Variants in SLC22A2 observed in about 807,000 individuals in gnomAD.
SLC22A2 encodes organic cation transporter 2.
SLC22A2 carries 46 observed loss-of-function variants against 60.5 expected under a neutral mutation model. That is an observed-to-expected ratio of 0.76 (90% CI 0.60 to 0.97). The LOEUF (loss-of-function observed/expected upper bound fraction) is 0.97, where lower values mean the gene tolerates loss of function less well. Among genes scored for constraint, SLC22A2 ranks in the 50% least tolerant of loss-of-function variants. The probability of loss-of-function intolerance (pLI) is 0.00; values close to 1 mark genes in which losing one functional copy is unlikely to be tolerated. For missense variants in SLC22A2, 701 were observed against 706.6 expected, an observed-to-expected ratio of 0.99 and a Z score of 0.09; for synonymous variants, 303 against 267.0, an observed-to-expected ratio of 1.13 and a Z score of -1.31.
intron 9 of SLC22A2, among the ~76,000 whole-genome samples, chr6:160,233,376 C>G (rs1473342870): frequency 6.6e-6 from 1 of 151,822 alleles, no homozygotes; most frequent in Non-Finnish European, 1.5e-5. Flanking sequence ...TTCTCAGGCT[C>G]TTGGTATTCA....
intron 10 of SLC22A2, among the ~76,000 whole-genome samples, chr6:160,222,060 G>A (rs1463894449): frequency 1.3e-5 from 2 of 152,174 alleles, no homozygotes; most frequent in East Asian, 3.8e-4. Context: ...AAGGTGCATG[G>A]GAAGGGCATG....
At chr6:160,234,627 C>T (rs958053924) in intron 9 of SLC22A2, among the ~76,000 whole-genome samples, 5 of 152,340 alleles carry the variant, frequency 3.3e-5, no homozygotes, top group African/African-American at 1.2e-4. Flanking sequence ...GGAGCTTGAA[C>T]TTGTAACCAC....
At chr6:160,240,640 T>A (rs908943389) in intron 9 of SLC22A2, among the ~76,000 whole-genome samples, 3 of 152,190 alleles carry the variant, frequency 2.0e-5, no homozygotes, top group Non-Finnish European at 4.4e-5. Context: ...CCCTTTTGCA[T>A]AAGGATTCTG....
chr6:160,240,453 G>A (rs1275832280), intron 9 of SLC22A2, among the ~76,000 whole-genome samples: 1 of 152,154 alleles, frequency 6.6e-6, no homozygotes, highest in African/African-American at 2.4e-5. Flanking sequence ...AGTTTTAGAA[G>A]CTAAGCTTAG....
Position 160,243,560 on chromosome 6 carries a change from C to G in SLC22A2, c.1279+12G>C. On this transcript the variant is annotated intron_variant, in intron 7 of 10. Coordinates refer to ENST00000366953, the MANE Select transcript of SLC22A2 (RefSeq NM_003058.4). ...TCTTGGAGATAAGACTCCAACTTCA[C>G]CTGAAACTTACCACCAGGTATAAAA... 1.2e-6 allele frequency: 2 copies of G among 1,601,484 alleles called. No homozygotes were observed. The highest frequency in any genetic ancestry group is 2.2e-5 in the East Asian group (1 of 44,810).
intron 2 of SLC22A2, among the ~76,000 whole-genome samples, chr6:160,252,937 C>T (rs1179568927): frequency 6.6e-6 from 1 of 152,200 alleles, no homozygotes; most frequent in South Asian, 2.1e-4. Context: ...GACTAGCACA[C>T]AGTAATCAGT....
chr6:160,222,551 T>A (rs1248039156), intron 10 of SLC22A2, among the ~76,000 whole-genome samples: 1 of 152,222 alleles, frequency 6.6e-6, no homozygotes, highest in Non-Finnish European at 1.5e-5. Flanking sequence ...CGCACTGTGC[T>A]GAGTTCCAGT....
intron 9 of SLC22A2, among the ~76,000 whole-genome samples, chr6:160,232,087 T>G (rs1353278588): frequency 2.0e-5 from 3 of 151,928 alleles, no homozygotes. Context: ...ATCTATTTTC[T>G]TCCTCTCACC....
rs549083494 is a variant in SLC22A2 at position 160,233,761 on chromosome 6, C to A, written c.1501+7713G>T. Among the ~76,000 whole-genome samples the A allele has an allele frequency of 6.8e-4, 104 of 151,948 alleles. 1 individual carries two copies. The highest frequency in any genetic ancestry group is 2.4e-3 in the African/African-American group (101 of 41,250). On this transcript the variant is annotated intron_variant, in intron 9 of 10. Coordinates refer to ENST00000366953, the MANE Select transcript of SLC22A2 (RefSeq NM_003058.4). ...CCGCAAAATCTTCCTTCAGCTTAAT[C>A]TCTCCCACTCTAGGTTCCCACGCTG...
intron 5 of SLC22A2, 61 bp downstream of exon 5, chr6:160,247,123 A>T (rs1562437038): frequency 8.1e-6 from 8 of 993,644 alleles, no homozygotes; most frequent in African/African-American, 1.6e-5. Flanking sequence ...GGCATGCATG[A>T]ATCTTACCAG....
chr6:160,238,404 G>T (rs1227402614), intron 9 of SLC22A2, among the ~76,000 whole-genome samples: 1 of 152,176 alleles, frequency 6.6e-6, no homozygotes, highest in Non-Finnish European at 1.5e-5. Context: ...CATTCAGCTG[G>T]CATCTGAATC....
At chr6:160,234,927 C>T (rs947630191) in intron 9 of SLC22A2, among the ~76,000 whole-genome samples, 4 of 152,210 alleles carry the variant, frequency 2.6e-5, no homozygotes, top group African/African-American at 4.8e-5. Context: ...TTCTCTTCCT[C>T]TCCACAAACC....
chr6:160,223,458 TC>T (rs1298284981), intron 10 of SLC22A2, among the ~76,000 whole-genome samples: 1 of 152,162 alleles, frequency 6.6e-6, no homozygotes, highest in Non-Finnish European at 1.5e-5. Context: ...TTTTGCTTTT[TC>T]CCCCATTAGC....
At chr6:160,234,412 T>C (rs1180024683) in intron 9 of SLC22A2, among the ~76,000 whole-genome samples, 1 of 152,162 alleles carries the variant, frequency 6.6e-6, no homozygotes, top group African/African-American at 2.4e-5. Flanking sequence ...ACCTGAACAG[T>C]GTTACTGTAA....
At chr6:160,229,411 C>T (rs1222226906) in intron 9 of SLC22A2, among the ~76,000 whole-genome samples, 1 of 151,892 alleles carries the variant, frequency 6.6e-6, no homozygotes, top group African/African-American at 2.4e-5. Flanking sequence ...GGGATGCCTG[C>T]CTGATTATTT....
chr6:160,242,407 G>A lies in SLC22A2; in HGVS notation c.1280-5C>T. On this transcript the variant is annotated splice_polypyrimidine_tract_variant and splice_region_variant and intron_variant, in intron 7 of 10. Transcript: ENST00000366953. ...TAATTTTTAGCCATTGTAGATCTAA[G>A]AGGGAAAAGAACAGTACTTATCCGT... 2.7e-6 allele frequency: 4 copies of A among 1,469,008 alleles called. No homozygotes were observed. The highest frequency in any genetic ancestry group is 3.8e-6 in the Non-Finnish European group (4 of 1,047,774). 91.0% of individuals were successfully genotyped at this position (1,469,008 alleles called of 1,614,324 possible).
intron 9 of SLC22A2, among the ~76,000 whole-genome samples, chr6:160,234,118 T>G (rs1782872076): frequency 6.6e-6 from 1 of 152,118 alleles, no homozygotes; most frequent in African/African-American, 2.4e-5. Flanking sequence ...ACTGAGCACA[T>G]TGTGACCCCC....
chr6:160,238,306 C>A (rs1782944505), intron 9 of SLC22A2, among the ~76,000 whole-genome samples: 1 of 152,140 alleles, frequency 6.6e-6, no homozygotes, highest in South Asian at 2.1e-4. Flanking sequence ...AGTGGAAGTG[C>A]CTATTAAATA....
chr6:160,243,806 C>T lies in SLC22A2; in HGVS notation c.1065-20G>A. On this transcript the variant is annotated intron_variant, in intron 6 of 10. Coordinates refer to ENST00000366953, the MANE Select transcript of SLC22A2 (RefSeq NM_003058.4). ...GTGAACCTGAGCAAAGAGGAGAGTT[C>T]AGGTCAAGTCAAGCACCAAACACAG... 1 of 1,585,092 alleles carries T rather than the reference C, an allele frequency of 6.3e-7. No individual in the cohort carries two copies. Among genetic ancestry groups the T allele is most frequent in the Non-Finnish European group, 8.7e-7 (1 of 1,155,044 alleles).
Sources: allele counts gnomAD v4.1 joint callset (sites outside exome capture counted in the v4.1 genomes callset), GRCh38; gene constraint gnomAD v4.1.1; transcripts MANE v1.5; gene names NCBI Gene and HGNC (gene_info 2026-07-23, HGNC 2026-07-21).